IMMP2L: variants seen among roughly 807,000 people sequenced by gnomAD.
IMMP2L encodes the protein inner mitochondrial membrane peptidase subunit 2.
A neutral mutation model predicts 19.3 loss-of-function variants in IMMP2L; 18 were observed. That is an observed-to-expected ratio of 0.93 (90% CI 0.64 to 1.38). The LOEUF (loss-of-function observed/expected upper bound fraction) is 1.38, where lower values mean the gene tolerates loss of function less well. IMMP2L is among the 40% of genes most tolerant of loss of function. The pLI is 0.00. For missense variants in IMMP2L, 233 were observed against 218.2 expected (o/e 1.07, Z -0.43); for synonymous variants, 76 against 73.0 (o/e 1.04, Z -0.21).
At chr7:110,923,766 A>G (rs1814548844) in intron 4 of IMMP2L, among the ~76,000 whole-genome samples, 1 of 152,000 alleles carries the variant, frequency 6.6e-6, no homozygotes, top group Non-Finnish European at 1.5e-5. Flanking sequence ...AAAAGATCTC[A>G]CTTTTAAATT....
intron 3 of IMMP2L, among the ~76,000 whole-genome samples, chr7:111,299,981 C>T (rs535688587): frequency 6.6e-6 from 1 of 152,024 alleles, no homozygotes; most frequent in Admixed American, 6.6e-5. Context: ...CTGGATAGAC[C>T]CTAGAGAAGT....
chr7:111,102,269 T>C (rs1461897802), intron 3 of IMMP2L, among the ~76,000 whole-genome samples: 1 of 151,456 alleles, frequency 6.6e-6, no homozygotes, highest in Non-Finnish European at 1.5e-5. Flanking sequence ...GTTTGGACCA[T>C]ATGCTCCTGT....
chr7:111,220,714 A>G (rs1812421569), intron 3 of IMMP2L, among the ~76,000 whole-genome samples: 1 of 151,968 alleles, frequency 6.6e-6, no homozygotes, highest in East Asian at 1.9e-4. Context: ...TGATCATGGA[A>G]GTAAAGTCCC....
chr7:111,158,215 T>C (rs1308709317), intron 3 of IMMP2L, among the ~76,000 whole-genome samples: 7 of 152,088 alleles, frequency 4.6e-5, no homozygotes, highest in Non-Finnish European at 1.0e-4. Context: ...ATTGTTTACA[T>C]GTCAAAGAAA....
chr7:110,788,670 T>C (rs1800253281), intron 5 of IMMP2L, among the ~76,000 whole-genome samples: 1 of 151,674 alleles, frequency 6.6e-6, no homozygotes, highest in African/African-American at 2.4e-5. Context: ...ATATCACAAA[T>C]ACAACAATGC....
intron 4 of IMMP2L, among the ~76,000 whole-genome samples, chr7:110,932,417 G>C (rs1815595341): frequency 6.6e-6 from 1 of 151,970 alleles, no homozygotes; most frequent in South Asian, 2.1e-4. Context: ...GCAGTGGCAA[G>C]ATCTCAGCTC....
intron 5 of IMMP2L, among the ~76,000 whole-genome samples, chr7:110,819,752 A>G (rs1430296413): frequency 6.6e-6 from 1 of 152,110 alleles, no homozygotes. Flanking sequence ...AATGGATAAT[A>G]ATACGAATTA....
chr7:110,799,281 T>C (rs1801081293), intron 5 of IMMP2L, among the ~76,000 whole-genome samples: 1 of 151,876 alleles, frequency 6.6e-6, no homozygotes, highest in Non-Finnish European at 1.5e-5. Context: ...AGAATTAAAT[T>C]TGAGGGTGCT....
At chr7:110,787,092 T>A (rs1336452028) in intron 5 of IMMP2L, among the ~76,000 whole-genome samples, 1 of 152,038 alleles carries the variant, frequency 6.6e-6, no homozygotes, top group African/African-American at 2.4e-5. Flanking sequence ...AAGTGACTTA[T>A]AAGGGAGAAA....
chr7:111,278,014 TG>T (rs1276200216), intron 3 of IMMP2L, among the ~76,000 whole-genome samples: 1 of 152,002 alleles, frequency 6.6e-6, no homozygotes, highest in Non-Finnish European at 1.5e-5. Flanking sequence ...CACTTATAAG[TG>T]GGAGCTAAAC....
chr7:110,951,835 C>T (rs1002559320), intron 4 of IMMP2L, among the ~76,000 whole-genome samples: 1 of 152,018 alleles, frequency 6.6e-6, no homozygotes, highest in Non-Finnish European at 1.5e-5. Context: ...GCATCCATAA[C>T]TAATTAAATC....
intron 3 of IMMP2L, among the ~76,000 whole-genome samples, chr7:111,376,002 G>T (rs1005538679): frequency 6.6e-6 from 1 of 151,942 alleles, no homozygotes; most frequent in Non-Finnish European, 1.5e-5. Context: ...AAGAACTCAG[G>T]CTCTGGATTT....
intron 3 of IMMP2L, among the ~76,000 whole-genome samples, chr7:111,219,093 A>C (rs1812255689): frequency 6.6e-6 from 1 of 152,018 alleles, no homozygotes; most frequent in Non-Finnish European, 1.5e-5. Context: ...TGGCTAACAA[A>C]ATCAACTATT....
rs149796291 is a variant in IMMP2L, at chr7:111,475,373, T to C, written c.239+11865A>G. ...CTTTCTTATCAGCTACCGACACATT[T>C]CCCAGCCTTGCCACCTCTACTCACC... On this transcript the variant is annotated intron_variant, in intron 3 of 5. Transcript: ENST00000405709. 2.6e-4 allele frequency among the ~76,000 whole-genome samples: 40 copies of C among 152,104 alleles called. No individual in the cohort carries two copies. The East Asian group carries it at 6.9e-3, about 26-fold the overall frequency.
intron 5 of IMMP2L, among the ~76,000 whole-genome samples, chr7:110,681,574 T>C (rs1412368208): frequency 6.6e-6 from 1 of 152,042 alleles, no homozygotes; most frequent in Non-Finnish European, 1.5e-5. Flanking sequence ...TCAATGTGCA[T>C]AAAAGGCCCT....
intron 3 of IMMP2L, among the ~76,000 whole-genome samples, chr7:111,181,195 C>T (rs1384323230): frequency 1.3e-5 from 2 of 151,974 alleles, no homozygotes; most frequent in South Asian, 4.1e-4. Context: ...AAAGATTTAA[C>T]ATCACTGAGC....
At chr7:110,830,396 A>G (rs1473369507) in intron 5 of IMMP2L, among the ~76,000 whole-genome samples, 1 of 152,114 alleles carries the variant, frequency 6.6e-6, no homozygotes, top group Admixed American at 6.6e-5. Flanking sequence ...TTGTTTCTAA[A>G]AAAAAACAGT....
At chr7:111,007,619 C>T (rs1824437979) in intron 3 of IMMP2L, among the ~76,000 whole-genome samples, 1 of 152,028 alleles carries the variant, frequency 6.6e-6, no homozygotes, top group Non-Finnish European at 1.5e-5. Context: ...AAATCTCTTC[C>T]ATTCTCATGT....
intron 3 of IMMP2L, among the ~76,000 whole-genome samples, chr7:111,349,319 T>C (rs1827898333): frequency 6.6e-6 from 1 of 152,124 alleles, no homozygotes; most frequent in East Asian, 1.9e-4. Context: ...TGTTAGGCAT[T>C]GGGATGGTAA....
Sources: gnomAD v4.1 joint callset for allele counts (sites outside exome capture counted in the v4.1 genomes callset) on GRCh38, gnomAD v4.1.1 for gene constraint, MANE v1.5 for transcripts, NCBI Gene and HGNC (gene_info 2026-07-23, HGNC 2026-07-21) for gene names.